Variants in FHOD3 observed in about 807,000 individuals in gnomAD.
The protein encoded by FHOD3 is FH1/FH2 domain-containing protein 3.
In FHOD3, 90 loss-of-function variants were observed where a neutral mutation model predicts 173.0. The ratio of observed to expected loss-of-function variants is 0.52; its 90% CI spans 0.44 to 0.62. FHOD3 has a LOEUF of 0.62. Ranked by LOEUF, FHOD3 falls within the 20% of genes least tolerant of loss-of-function variation. The pLI is 0.00. For missense variants in FHOD3, 1,945 were observed against 2,034.7 expected (o/e 0.96, Z 0.85); for synonymous variants, 828 against 823.0 (o/e 1.01, Z -0.10).
chr18:36,713,735 G>A lies in FHOD3; in HGVS notation c.2534-4097G>A, dbSNP rs1417299325. Among the ~76,000 whole-genome samples, 3 of 152,076 alleles carry A rather than the reference G, an allele frequency of 2.0e-5. No individual in the cohort carries two copies. The East Asian group carries it at 5.8e-4, about 29-fold the overall frequency. On this transcript the variant is annotated intron_variant, in intron 18 of 28. Coordinates refer to ENST00000590592, the MANE Select transcript of FHOD3 (RefSeq NM_001281740.3). ...TTTTATCTTTACAAATTATATGAATGTATTAAATTATCACATGTACCCCAA... is the reference window on the plus strand; with the variant it reads ...TTTTATCTTTACAAATTATATGAATATATTAAATTATCACATGTACCCCAA...
At chr18:36,618,310 G>GTTTTTTTTTTTTTTT (rs1465774220) in intron 9 of FHOD3, among the ~76,000 whole-genome samples, 9 of 85,224 alleles carry the variant, frequency 1.1e-4, no homozygotes, top group Admixed American at 1.5e-4. Flanking sequence ...GTTTTTTGGT[G>GTTTTTTTTTTTTTTT]GTTTTTTTTT....
At chr18:36,704,637 A>C (rs1170022552) in intron 17 of FHOD3, among the ~76,000 whole-genome samples, 1 of 151,860 alleles carries the variant, frequency 6.6e-6, no homozygotes, top group Non-Finnish European at 1.5e-5. Flanking sequence ...GGGAAGGGAC[A>C]CTCTGCTCCT....
chr18:36,774,956 G>A (rs182569309), intron 28 of FHOD3, among the ~76,000 whole-genome samples: 10 of 152,308 alleles, frequency 6.6e-5, no homozygotes, highest in Non-Finnish European at 1.5e-4. Context: ...CATTTGGGAA[G>A]GCTGTGCATA....
At chr18:36,665,431 C>A (rs1334685836) in intron 14 of FHOD3, among the ~76,000 whole-genome samples, 1 of 152,186 alleles carries the variant, frequency 6.6e-6, no homozygotes, top group East Asian at 1.9e-4. Flanking sequence ...AGAAAATGAA[C>A]CTTCATAGGA....
intron 4 of FHOD3, among the ~76,000 whole-genome samples, chr18:36,510,217 A>G (rs972858429): frequency 6.6e-6 from 1 of 152,218 alleles, no homozygotes; most frequent in Non-Finnish European, 1.5e-5. Flanking sequence ...TATTAGAGAA[A>G]ATTCTGAAAT....
chr18:36,656,419 G>A (rs1477830867), intron 13 of FHOD3, among the ~76,000 whole-genome samples: 1 of 152,170 alleles, frequency 6.6e-6, no homozygotes, highest in Admixed American at 6.5e-5. Flanking sequence ...ATGGAATAGA[G>A]TGGTATGCTC....
Position 36,321,832 on chromosome 18 carries a change from T to C in FHOD3, c.165+23832T>C, listed in dbSNP as rs185424639. On this transcript the variant is annotated intron_variant, in intron 1 of 28. Coordinates refer to ENST00000590592, the MANE Select transcript of FHOD3 (RefSeq NM_001281740.3). ...ATCTACAGAGGAGAGGACTTGCTTTTCTGTTTCCTGCATTCACTCTGCCGA... is the reference window on the plus strand; with the variant it reads ...ATCTACAGAGGAGAGGACTTGCTTTCCTGTTTCCTGCATTCACTCTGCCGA... Among the ~76,000 whole-genome samples the C allele has an allele frequency of 3.9e-5, 6 of 152,310 alleles. No homozygotes were observed. The East Asian group carries it at 1.2e-3, about 29-fold the overall frequency.
intron 3 of FHOD3, among the ~76,000 whole-genome samples, chr18:36,421,132 A>G (rs1429495344): frequency 1.3e-5 from 2 of 152,146 alleles, no homozygotes; most frequent in Admixed American, 6.5e-5. Flanking sequence ...TTCTGGTTGA[A>G]CTTATTCTGG....
chr18:36,482,747 A>G (rs1196687290), intron 3 of FHOD3, among the ~76,000 whole-genome samples: 7 of 151,842 alleles, frequency 4.6e-5, no homozygotes, highest in Non-Finnish European at 1.0e-4. Flanking sequence ...TCTTTCTTTC[A>G]CACTTCATGG....
At chr18:36,395,696 G>T (rs1300160268) in intron 3 of FHOD3, among the ~76,000 whole-genome samples, 4 of 152,052 alleles carry the variant, frequency 2.6e-5, no homozygotes, top group African/African-American at 7.2e-5. Context: ...GTTACTAAGA[G>T]AAATATTAAA....
chr18:36,325,737 A>G (rs765073088), intron 1 of FHOD3, among the ~76,000 whole-genome samples: 1 of 152,114 alleles, frequency 6.6e-6, no homozygotes, highest in Non-Finnish European at 1.5e-5. Context: ...TGTTGCAAAG[A>G]GTAAGAATTT....
At chr18:36,708,989 G>A in intron 17 of FHOD3, 106 bp from the exon 18 acceptor site, 1 of 1,367,244 alleles carries the variant, frequency 7.3e-7, no homozygotes, top group Non-Finnish European at 1.0e-6. Context: ...GGCCATCTTT[G>A]GACATCTGTC....
chr18:36,375,429 G>T (rs546541205), intron 3 of FHOD3, among the ~76,000 whole-genome samples: 1 of 152,170 alleles, frequency 6.6e-6, no homozygotes, highest in Admixed American at 6.5e-5. Context: ...CGATTGGACT[G>T]GAAGGATCCA....
chr18:36,779,684 C>A lies in FHOD3; in HGVS notation c.*154C>A. 1 of 661,442 alleles carries A rather than the reference C, an allele frequency of 1.5e-6. No homozygotes were observed. The highest frequency in any genetic ancestry group is 2.6e-6 in the Non-Finnish European group (1 of 377,878). 41.0% of individuals were successfully genotyped at this position (661,442 alleles called of 1,614,324 possible). A position where few individuals can be genotyped will look rare whatever the true frequency, so the allele number is the denominator to read the frequency against. On this transcript the variant is annotated 3_prime_UTR_variant, in exon 29 of 29. Coordinates refer to ENST00000590592, the MANE Select transcript of FHOD3 (RefSeq NM_001281740.3). Reference sequence around the variant, plus strand: ...CAGCGTCACCCCATGGCTTGTGTTGCCTGCTACGCATTGACTTGGATCTCC... The same window carrying A: ...CAGCGTCACCCCATGGCTTGTGTTGACTGCTACGCATTGACTTGGATCTCC...
At chr18:36,702,691 A>G (rs2080419849) in intron 17 of FHOD3, among the ~76,000 whole-genome samples, 1 of 152,222 alleles carries the variant, frequency 6.6e-6, no homozygotes, top group Non-Finnish European at 1.5e-5. Context: ...AGAACTTTCT[A>G]CCACCAATTT....
Position 36,506,298 on chromosome 18 carries a change from A to G in FHOD3, c.405+4299A>G, listed in dbSNP as rs143771525. ...TTGAACAGCATGCTAGCAGCAGTGA[A>G]GTTTTCAAAAGCAGTTTAGCATGAA... On this transcript the variant is annotated intron_variant, in intron 4 of 28. Transcript: ENST00000590592. Among the ~76,000 whole-genome samples the G allele has an allele frequency of 1.8e-3, 270 of 152,342 alleles. 1 individual carries two copies. The highest frequency in any genetic ancestry group is 6.0e-3 in the African/African-American group (251 of 41,582).
At position 36,442,578 on chromosome 18, in the gene FHOD3, GTTTATT is replaced by G. The variant is rs1227746332; in HGVS notation, c.338-59348_338-59343del. 2.6e-5 allele frequency among the ~76,000 whole-genome samples: 4 copies of G among 152,116 alleles called. No homozygotes were observed. In the East Asian group the frequency reaches 5.8e-4, roughly 22 times the overall value. Reference sequence around the variant, plus strand: ...TTAGTGGAATCATTTTATTTTTTAAGTTTATTTTTATATTTTAGCTTTTCATTTGAG... The same window carrying G: ...TTAGTGGAATCATTTTATTTTTTAAGTTTATATTTTAGCTTTTCATTTGAG... On this transcript the variant is annotated intron_variant, in intron 3 of 28. Coordinates refer to ENST00000590592, the MANE Select transcript of FHOD3 (RefSeq NM_001281740.3).
chr18:36,549,249 T>G (rs1343506781), intron 5 of FHOD3, among the ~76,000 whole-genome samples: 7 of 152,346 alleles, frequency 4.6e-5, no homozygotes, highest in African/African-American at 1.2e-4. Flanking sequence ...TGTTCAACTC[T>G]TTTTGCCAAT....
intron 2 of FHOD3, among the ~76,000 whole-genome samples, chr18:36,365,272 C>T (rs949589062): frequency 7.2e-5 from 11 of 152,138 alleles, no homozygotes; most frequent in Admixed American, 2.6e-4. Flanking sequence ...GTTTGGACTT[C>T]ATAAAAATTA....
Sources: allele counts gnomAD v4.1 joint callset (sites outside exome capture counted in the v4.1 genomes callset), GRCh38; gene constraint gnomAD v4.1.1; transcripts MANE v1.5; gene names NCBI Gene and HGNC (gene_info 2026-07-23, HGNC 2026-07-21).